Variants in FAM174A observed in about 807,000 individuals in gnomAD.
The protein encoded by FAM174A is membrane protein FAM174A.
In FAM174A, 14 loss-of-function variants were observed where a neutral mutation model predicts 14.3. That is an observed-to-expected ratio of 0.98 (90% CI 0.65 to 1.53). FAM174A has a LOEUF of 1.53. Ranked by LOEUF, FAM174A falls within the 40% of genes most tolerant of loss-of-function variation. The pLI is 0.00. For synonymous variants in FAM174A, 108 were observed against 111.4 expected, an observed-to-expected ratio of 0.97 and a Z score of 0.19; for missense variants, 241 against 249.6, an observed-to-expected ratio of 0.97 and a Z score of 0.23.
At chr5:100,550,754 A>C (rs777082584) in intron 1 of FAM174A, among the ~76,000 whole-genome samples, 4 of 152,184 alleles carry the variant, frequency 2.6e-5, no homozygotes, top group African/African-American at 9.6e-5. Flanking sequence ...TTCCTGAGGA[A>C]GTTATATTTA....
At chr5:100,560,414 C>T (rs247940) in intron 1 of FAM174A, among the ~76,000 whole-genome samples, 48,639 of 151,912 alleles carry the variant, frequency 0.32, 9,337 homozygotes, top group African/African-American at 0.53. Context: ...TATTTACTGA[C>T]CCTTTCATTG....
At chr5:100,568,661 T>G (rs2112392349) in intron 2 of FAM174A, among the ~76,000 whole-genome samples, 1 of 151,112 alleles carries the variant, frequency 6.6e-6, no homozygotes, top group African/African-American at 2.4e-5. Flanking sequence ...TGGTTCAGTC[T>G]TATAATAAAA....
In FAM174A at chr5:100,535,524, G is replaced by C; in HGVS notation, c.-7G>C. On this transcript the variant is annotated 5_prime_UTR_variant, in exon 1 of 3. Coordinates refer to ENST00000312637, the MANE Select transcript of FAM174A (RefSeq NM_198507.3). Reference sequence around the variant, plus strand: ...CTCCCGGGTGGTGAGAGAGCGGTCCGGGAACGATGAAGGCCTCGCAGTGCT... The same window carrying C: ...CTCCCGGGTGGTGAGAGAGCGGTCCCGGAACGATGAAGGCCTCGCAGTGCT... 1 of 1,611,982 alleles carries C rather than the reference G, an allele frequency of 6.2e-7. No individual in the cohort carries two copies. Among genetic ancestry groups the C allele is most frequent in the Non-Finnish European group, 8.5e-7 (1 of 1,179,428 alleles).
intron 2 of FAM174A, among the ~76,000 whole-genome samples, chr5:100,583,671 CA>C (rs1432679191): frequency 6.6e-6 from 1 of 151,486 alleles, no homozygotes; most frequent in Non-Finnish European, 1.5e-5. Flanking sequence ...CAGTTTCTTT[CA>C]TGATTTCCTT....
intron 1 of FAM174A, among the ~76,000 whole-genome samples, chr5:100,558,456 G>T (rs968214409): frequency 6.6e-6 from 1 of 152,090 alleles, no homozygotes; most frequent in Admixed American, 6.6e-5. Flanking sequence ...TATTAGGTCC[G>T]CCTGGTGCAG....
chr5:100,579,830 T>C (rs899179104), intron 2 of FAM174A, among the ~76,000 whole-genome samples: 2 of 152,200 alleles, frequency 1.3e-5, no homozygotes, highest in Non-Finnish European at 2.9e-5. Context: ...GCAGTTGTAT[T>C]GCTTGGTGTA....
intron 1 of FAM174A, among the ~76,000 whole-genome samples, chr5:100,558,927 G>A (rs1040531584): frequency 5.9e-5 from 9 of 152,064 alleles, no homozygotes; most frequent in South Asian, 2.1e-4. Context: ...GGAGCATTTA[G>A]CCCATTTACA....
intron 1 of FAM174A, among the ~76,000 whole-genome samples, chr5:100,561,027 A>T (rs1746512271): frequency 6.6e-6 from 1 of 151,962 alleles, no homozygotes; most frequent in Admixed American, 6.6e-5. Flanking sequence ...TGGTGAATAA[A>T]GCAGTCTTGG....
intron 2 of FAM174A, among the ~76,000 whole-genome samples, chr5:100,574,003 A>G (rs1746849877): frequency 6.6e-6 from 1 of 152,064 alleles, no homozygotes; most frequent in Non-Finnish European, 1.5e-5. Context: ...ATAAAACAGC[A>G]CTTGAACCTG....
At chr5:100,551,786 C>A (rs1746268120) in intron 1 of FAM174A, among the ~76,000 whole-genome samples, 1 of 152,076 alleles carries the variant, frequency 6.6e-6, no homozygotes, top group South Asian at 2.1e-4. Flanking sequence ...CTCTCTTGAT[C>A]TTTTTAATGA....
chr5:100,557,653 G>C (rs1746422586), intron 1 of FAM174A, among the ~76,000 whole-genome samples: 1 of 151,878 alleles, frequency 6.6e-6, no homozygotes, highest in Non-Finnish European at 1.5e-5. Flanking sequence ...ACTTCTTCCT[G>C]GTTTAGTCTT....
At chr5:100,551,444 A>C (rs1393378047) in intron 1 of FAM174A, among the ~76,000 whole-genome samples, 1 of 152,134 alleles carries the variant, frequency 6.6e-6, no homozygotes, top group Admixed American at 6.5e-5. Context: ...TGGCCTGGTG[A>C]AGACTCTTCC....
chr5:100,580,406 G>A (rs1047686652), intron 2 of FAM174A, among the ~76,000 whole-genome samples: 1 of 152,192 alleles, frequency 6.6e-6, no homozygotes, highest in African/African-American at 2.4e-5. Flanking sequence ...ACGATCACAA[G>A]GTCCCACAAT....
chr5:100,535,491 C>G lies in FAM174A; in HGVS notation c.-40C>G. On this transcript the variant is annotated 5_prime_UTR_variant, in exon 1 of 3. Transcript: ENST00000312637. ...TCCCTCTTGGAGCCAGCGTGGCGGG[C>G]CTGGCGGCTCCCGGGTGGTGAGAGA... The G allele has an allele frequency of 6.2e-7, 1 of 1,602,566 alleles. No individual in the cohort carries two copies. The highest frequency in any genetic ancestry group is 8.5e-7 in the Non-Finnish European group (1 of 1,173,938).
chr5:100,537,890 G>A (rs1331144151), intron 1 of FAM174A, among the ~76,000 whole-genome samples: 1 of 151,478 alleles, frequency 6.6e-6, no homozygotes, highest in Admixed American at 6.6e-5. Flanking sequence ...TTTTCCTTTT[G>A]CTTCCACCTT....
chr5:100,557,557 A>T (rs1253679582), intron 1 of FAM174A, among the ~76,000 whole-genome samples: 1 of 152,152 alleles, frequency 6.6e-6, no homozygotes, highest in Non-Finnish European at 1.5e-5. Context: ...CTGTGAATCC[A>T]TCTGGTCCTG....
intron 1 of FAM174A, among the ~76,000 whole-genome samples, chr5:100,560,600 T>A (rs1746503768): frequency 6.6e-6 from 1 of 152,040 alleles, no homozygotes; most frequent in Admixed American, 6.6e-5. Context: ...TACACCCAGG[T>A]GCTAATATCA....
intron 2 of FAM174A, among the ~76,000 whole-genome samples, chr5:100,581,675 G>C (rs956712684): frequency 6.6e-6 from 1 of 152,126 alleles, no homozygotes; most frequent in Admixed American, 6.5e-5. Flanking sequence ...TATTACATTT[G>C]GTCGTGGTTG....
intron 1 of FAM174A, among the ~76,000 whole-genome samples, chr5:100,560,379 A>G (rs1326185061): frequency 6.6e-6 from 1 of 152,092 alleles, no homozygotes; most frequent in Non-Finnish European, 1.5e-5. Context: ...TGTATTTCAT[A>G]CTGCTTCATT....
Sources: gnomAD v4.1 joint callset for allele counts (sites outside exome capture counted in the v4.1 genomes callset) on GRCh38, gnomAD v4.1.1 for gene constraint, MANE v1.5 for transcripts, NCBI Gene and HGNC (gene_info 2026-07-23, HGNC 2026-07-21) for gene names.